Variants in PTGES3 observed in about 807,000 individuals in gnomAD.
The protein encoded by PTGES3 is Hsp90 co-chaperone.
A neutral mutation model predicts 29.9 loss-of-function variants in PTGES3; 5 were observed. The ratio of observed to expected loss-of-function variants is 0.17; its 90% confidence interval spans 0.09 to 0.35. The LOEUF (loss-of-function observed/expected upper bound fraction) is 0.35. Among genes scored for constraint, PTGES3 ranks in the 10% least tolerant of loss-of-function variants. PTGES3 has a pLI of 1.00. For synonymous variants in PTGES3, 49 were observed against 57.8 expected, an observed-to-expected ratio of 0.85 and a Z score of 0.69; for missense variants, 128 against 190.0, an observed-to-expected ratio of 0.67 and a Z score of 1.92.
At chr12:56,664,585 C>A in intron 7 of PTGES3, 87 bp from the exon 8 acceptor site, 2 of 1,447,346 alleles carry the variant, frequency 1.4e-6, no homozygotes, top group Admixed American at 2.1e-5. Flanking sequence ...AACCAAAAAT[C>A]GAAATACATA....
In PTGES3 at chr12:56,683,028, G is replaced by A. The variant is rs374570566; in HGVS notation, c.2+4970C>T. Among the ~76,000 whole-genome samples, 47 of 151,918 alleles carry A rather than the reference G, an allele frequency of 3.1e-4. 1 individual carries two copies. The highest frequency in any genetic ancestry group is 1.1e-3 in the African/African-American group (46 of 41,466). On this transcript the variant is annotated intron_variant, in intron 1 of 7. Transcript: ENST00000262033. ...AAAAAAATTTACAAAGGTATACCGAGGAAGCAGGGAAGCAGCCTCATTCTA... is the reference window on the plus strand; with the variant it reads ...AAAAAAATTTACAAAGGTATACCGAAGAAGCAGGGAAGCAGCCTCATTCTA...
At chr12:56,676,477 A>G (rs1445711423) in intron 1 of PTGES3, among the ~76,000 whole-genome samples, 2 of 152,268 alleles carry the variant, frequency 1.3e-5, no homozygotes, top group African/African-American at 4.8e-5. Context: ...TGAGAGAGTG[A>G]TATTTGACCT....
intron 4 of PTGES3, among the ~76,000 whole-genome samples, chr12:56,671,497 T>C (rs957846797): frequency 1.3e-5 from 2 of 152,200 alleles, no homozygotes; most frequent in Non-Finnish European, 2.9e-5. Context: ...CCAAGCTTTG[T>C]CCCCTCCCAT....
At chr12:56,675,562 T>C (rs1407503923) in intron 1 of PTGES3, among the ~76,000 whole-genome samples, 1 of 150,500 alleles carries the variant, frequency 6.6e-6, no homozygotes, top group Non-Finnish European at 1.5e-5. Context: ...ATAAGAGATA[T>C]TTGTGGCCTG....
rs192433303 is a variant in PTGES3, at chr12:56,672,712, T to C, written c.186+28A>G. 2.4e-5 allele frequency: 37 copies of C among 1,515,520 alleles called. No homozygotes were observed. In the East Asian group the frequency reaches 8.1e-4, roughly 33 times the overall value. The allele number at this position is 1,515,520 out of a possible 1,614,324, so 93.9% of individuals were successfully genotyped here. A position where few individuals can be genotyped will look rare whatever the true frequency, so the allele number is the denominator to read the frequency against. ...TATGTCTGTTTCCTCACAACTAAAATTTGGATTAAAGCATAAAGACTACTT... is the reference window on the plus strand; with the variant it reads ...TATGTCTGTTTCCTCACAACTAAAACTTGGATTAAAGCATAAAGACTACTT... On this transcript the variant is annotated intron_variant, in intron 3 of 7. Coordinates refer to ENST00000262033, the MANE Select transcript of PTGES3 (RefSeq NM_006601.7).
chr12:56,683,803 C>G (rs1214295657), intron 1 of PTGES3, among the ~76,000 whole-genome samples: 2 of 150,818 alleles, frequency 1.3e-5, no homozygotes, highest in African/African-American at 4.9e-5. Flanking sequence ...ACTAAAAATA[C>G]AAAAAATTAG....
At position 56,665,476 on chromosome 12, in the gene PTGES3, G is replaced by A. The variant is rs918180120; in HGVS notation, c.439-676C>T. 8 of 947,204 alleles carry A rather than the reference G, an allele frequency of 8.4e-6. No homozygotes were observed. In the East Asian group the frequency reaches 8.2e-4, roughly 97 times the overall value. 58.7% of individuals were successfully genotyped at this position (947,204 alleles called of 1,614,324 possible). A position where few individuals can be genotyped will look rare whatever the true frequency, so the allele number is the denominator to read the frequency against. ...TGCCCGGCTAATTTTTGTATTTTTA[G>A]TAGAGATGGGGTTTCGCCATCTTGG... On this transcript the variant is annotated intron_variant, in intron 6 of 7. Coordinates refer to ENST00000262033, the MANE Select transcript of PTGES3 (RefSeq NM_006601.7).
At chr12:56,684,169 G>T (rs1300676727) in intron 1 of PTGES3, among the ~76,000 whole-genome samples, 2 of 151,834 alleles carry the variant, frequency 1.3e-5, no homozygotes, top group African/African-American at 4.8e-5. Context: ...TTTTTCCCCT[G>T]AAAAGAGACA....
chr12:56,664,551 A>G (rs1393676611), intron 7 of PTGES3, 53 bp from the exon 8 acceptor site: 20 of 1,543,878 alleles, frequency 1.3e-5, no homozygotes, highest in Non-Finnish European at 1.7e-5. Context: ...TAATCTACCA[A>G]TTTTACTGTC....
rs566679377 is a variant in PTGES3 at position 56,672,786 on chromosome 12, A to C, written c.140T>G (p.Phe47Cys). Residue 47 changes from phenylalanine (F) to cysteine (C), a missense_variant, in exon 3 of 8, where the codon TTT becomes TGT. Transcript: ENST00000262033. ...TFSCLGGSDN[F>C]KHLNEIDLFH... ...AAGATCAATTTCATTTAAATGCTTA[A>C]AATTATCACTTCCTCCGAGACAACT... 2 of 1,592,136 alleles carry C rather than the reference A, an allele frequency of 1.3e-6. No homozygotes were observed. Among genetic ancestry groups the C allele is most frequent in the African/African-American group, 1.4e-5 (1 of 73,684 alleles).
At chr12:56,675,125 C>G (rs1952178377) in intron 1 of PTGES3, among the ~76,000 whole-genome samples, 1 of 150,236 alleles carries the variant, frequency 6.7e-6, no homozygotes. Context: ...TATAGTAAAA[C>G]CCCGTCTCTA....
chr12:56,665,287 T>A, intron 6 of PTGES3: 14 of 505,088 alleles, frequency 2.8e-5, no homozygotes, highest in Non-Finnish European at 3.5e-5. Flanking sequence ...TGTCCATCTT[T>A]TTTTTTTTTT....
chr12:56,673,610 A>G (rs1952094519), intron 1 of PTGES3, among the ~76,000 whole-genome samples: 2 of 151,502 alleles, frequency 1.3e-5, no homozygotes, highest in South Asian at 4.2e-4. Context: ...CCTGACCAAC[A>G]TGGTGAAACC....
At chr12:56,669,964 T>C (rs932106329) in intron 5 of PTGES3, among the ~76,000 whole-genome samples, 3 of 112,168 alleles carry the variant, frequency 2.7e-5, no homozygotes, top group Non-Finnish European at 5.5e-5. Flanking sequence ...ACTGCAATCA[T>C]GCTTTAAAAA....
chr12:56,669,683 C>A (rs559561538), intron 5 of PTGES3, among the ~76,000 whole-genome samples: 12 of 152,294 alleles, frequency 7.9e-5, no homozygotes, highest in Admixed American at 7.9e-4. Flanking sequence ...ACGATCTCGG[C>A]TCACTGCATC....
At chr12:56,679,487 A>G (rs1423589767) in intron 1 of PTGES3, among the ~76,000 whole-genome samples, 1 of 150,734 alleles carries the variant, frequency 6.6e-6, no homozygotes, top group Non-Finnish European at 1.5e-5. Flanking sequence ...TAGATTATTT[A>G]CATAATGTAT....
intron 1 of PTGES3, among the ~76,000 whole-genome samples, chr12:56,680,856 C>A (rs561553031): frequency 1.3e-5 from 2 of 151,432 alleles, no homozygotes; most frequent in Admixed American, 6.6e-5. Flanking sequence ...TCAGCTCACA[C>A]AGCCTTGACT....
In PTGES3 at chr12:56,665,345, C is replaced by CAG. The variant is rs1211271463; in HGVS notation, c.439-547_439-546dup. ...GAGTCTTGCTCTGTCACCCAGGCTACAGTGCAGTGGCGAGATCCGGCTCAC... is the reference window on the plus strand; with the variant it reads ...GAGTCTTGCTCTGTCACCCAGGCTACAGAGTGCAGTGGCGAGATCCGGCTCAC... On this transcript the variant is annotated intron_variant, in intron 6 of 7. Transcript: ENST00000262033. 3.2e-6 allele frequency: 3 copies of CAG among 950,880 alleles called. No homozygotes were observed. The African/African-American group carries it at 5.6e-5, about 18-fold the overall frequency. 58.9% of individuals were successfully genotyped at this position (950,880 alleles called of 1,614,324 possible). A position where few individuals can be genotyped will look rare whatever the true frequency, so the allele number is the denominator to read the frequency against.
intron 5 of PTGES3, among the ~76,000 whole-genome samples, chr12:56,668,966 C>CT (rs1374664283): frequency 2.0e-5 from 3 of 147,960 alleles, no homozygotes; most frequent in African/African-American, 7.5e-5. Context: ...CTTTCTTAAA[C>CT]TTTTTTCCTT....
Sources: allele counts gnomAD v4.1 joint callset (sites outside exome capture counted in the v4.1 genomes callset), GRCh38; gene constraint gnomAD v4.1.1; transcripts MANE v1.5; gene names NCBI Gene and HGNC (gene_info 2026-07-23, HGNC 2026-07-21).